DNM3: variants seen among roughly 807,000 people sequenced by gnomAD.
DNM3 encodes dynamin-3.
In DNM3, 47 loss-of-function variants were observed where a neutral mutation model predicts 101.6. The observed-to-expected ratio is 0.46, with a 90% confidence interval of 0.37 to 0.59. The LOEUF (loss-of-function observed/expected upper bound fraction) is 0.59. Among genes scored for constraint, DNM3 ranks in the 20% least tolerant of loss-of-function variants. The pLI, the probability that DNM3 is intolerant of heterozygous loss-of-function variation, is 0.00. For missense variants in DNM3, 849 were observed against 1,085.7 expected (o/e 0.78, Z 3.06); for synonymous variants, 385 against 387.9 (o/e 0.99, Z 0.09).
chr1:171,842,480 G>A (rs2031415026), intron 1 of DNM3, among the ~76,000 whole-genome samples: 1 of 152,216 alleles, frequency 6.6e-6, no homozygotes, highest in Non-Finnish European at 1.5e-5. Flanking sequence ...ATAAAAGGTG[G>A]TGTGTTTGCG....
intron 4 of DNM3, among the ~76,000 whole-genome samples, chr1:172,000,246 G>GA (rs564128239): frequency 3.8e-4 from 58 of 152,156 alleles, no homozygotes; most frequent in African/African-American, 1.2e-3. Context: ...GAGGACAAGA[G>GA]AAAAATGGCT....
At chr1:171,998,946 T>C (rs1225704285) in intron 4 of DNM3, among the ~76,000 whole-genome samples, 1 of 152,048 alleles carries the variant, frequency 6.6e-6, no homozygotes, top group Non-Finnish European at 1.5e-5. Flanking sequence ...AAAAGTGTGG[T>C]TGGTTCTGCA....
intron 1 of DNM3, among the ~76,000 whole-genome samples, chr1:171,876,503 T>C (rs2035796664): frequency 6.6e-6 from 1 of 152,166 alleles, no homozygotes; most frequent in African/African-American, 2.4e-5. Flanking sequence ...TCTTCTCTTC[T>C]GACTCATGCA....
chr1:171,875,338 C>A (rs1383953565), intron 1 of DNM3, among the ~76,000 whole-genome samples: 1 of 152,178 alleles, frequency 6.6e-6, no homozygotes, highest in African/African-American at 2.4e-5. Flanking sequence ...TCTTATTCAG[C>A]CACTTCTAGA....
At chr1:172,063,556 G>A (rs1175554192) in intron 10 of DNM3, among the ~76,000 whole-genome samples, 2 of 151,684 alleles carry the variant, frequency 1.3e-5, no homozygotes, top group African/African-American at 4.8e-5. Context: ...AATATTGAAG[G>A]TTTTGATTCC....
chr1:172,150,531 T>G (rs925279596), intron 14 of DNM3, among the ~76,000 whole-genome samples: 20 of 152,196 alleles, frequency 1.3e-4, no homozygotes, highest in Non-Finnish European at 2.6e-4. Context: ...TTTTGAGCAC[T>G]GATTTTATGT....
At chr1:171,945,707 ATC>A (rs2042130275) in intron 2 of DNM3, among the ~76,000 whole-genome samples, 1 of 152,046 alleles carries the variant, frequency 6.6e-6, no homozygotes, top group Admixed American at 6.6e-5. Flanking sequence ...TTTTATTTTT[ATC>A]TCACTCGGAA....
chr1:172,262,785 G>A (rs1057480771), intron 15 of DNM3, among the ~76,000 whole-genome samples: 5 of 152,086 alleles, frequency 3.3e-5, no homozygotes, highest in South Asian at 2.1e-4. Flanking sequence ...ATATACTTGC[G>A]TGTCATTTTT....
In DNM3 at chr1:172,410,012, G is replaced by A; in HGVS notation, c.*2171G>A. ...ATAAACAATGGCATTTGTCATCTTT[G>A]GCACTTGCTTTTAGATTATAGTCCC... is the stretch of plus-strand genomic sequence containing the variant. On this transcript the variant is annotated 3_prime_UTR_variant, in exon 21 of 21. Coordinates refer to ENST00000627582, the MANE Select transcript of DNM3 (RefSeq NM_015569.5). The A allele has an allele frequency of 2.0e-6, 2 of 985,602 alleles. No homozygotes were observed. The highest frequency in any genetic ancestry group is 4.7e-5 in the South Asian group (1 of 21,284). 61.1% of individuals were successfully genotyped at this position (985,602 alleles called of 1,614,324 possible). A position where few individuals can be genotyped will look rare whatever the true frequency, so the allele number is the denominator to read the frequency against.
intron 13 of DNM3, among the ~76,000 whole-genome samples, chr1:172,104,737 G>C (rs1039546004): frequency 6.6e-6 from 1 of 152,138 alleles, no homozygotes; most frequent in African/African-American, 2.4e-5. Flanking sequence ...CCTACCTTAA[G>C]AGCAGTTAAG....
rs181650689 is a variant in DNM3 at position 172,412,212 on chromosome 1, A to G, written c.*4371A>G. 1.5e-4 allele frequency: 145 copies of G among 985,566 alleles called. No homozygotes were observed. In the African/African-American group the frequency reaches 2.4e-3, roughly 16 times the overall value. The allele number at this position is 985,566 out of a possible 1,614,324, so 61.1% of individuals were successfully genotyped here. A position where few individuals can be genotyped will look rare whatever the true frequency, so the allele number is the denominator to read the frequency against. ...CACATATGGCTCAACTCAAGTCATT[A>G]ATCTCTTTTTAATTTTTACTCTTGA... is the stretch of plus-strand genomic sequence containing the variant. On this transcript the variant is annotated 3_prime_UTR_variant, in exon 21 of 21. Transcript: ENST00000627582.
At chr1:172,402,012 C>A (rs554805669) in intron 20 of DNM3, among the ~76,000 whole-genome samples, 1 of 152,106 alleles carries the variant, frequency 6.6e-6, no homozygotes, top group Admixed American at 6.6e-5. Flanking sequence ...TGCTCCAACC[C>A]GATTTATCTT....
chr1:172,057,623 A>C (rs1455359773), intron 10 of DNM3, among the ~76,000 whole-genome samples: 7 of 152,026 alleles, frequency 4.6e-5, no homozygotes, highest in Non-Finnish European at 7.4e-5. Flanking sequence ...GAAATAAAAT[A>C]CTTTACAGAC....
chr1:172,049,853 G>A (rs2050082148), intron 10 of DNM3, among the ~76,000 whole-genome samples: 2 of 152,088 alleles, frequency 1.3e-5, no homozygotes, highest in Non-Finnish European at 2.9e-5. Context: ...TGACAGAAAG[G>A]CTCAGGTAAA....
At chr1:172,265,721 CTG>C (rs1460580181) in intron 15 of DNM3, among the ~76,000 whole-genome samples, 1 of 152,136 alleles carries the variant, frequency 6.6e-6, no homozygotes, top group Non-Finnish European at 1.5e-5. Flanking sequence ...AATGGCCTCA[CTG>C]TGCTTCTCTC....
At chr1:171,980,015 T>G (rs2044667960) in intron 2 of DNM3, among the ~76,000 whole-genome samples, 1 of 152,102 alleles carries the variant, frequency 6.6e-6, no homozygotes, top group Non-Finnish European at 1.5e-5. Flanking sequence ...GGCACCAGCT[T>G]TTTGTCTTTT....
chr1:172,093,034 G>T (rs2054017221), intron 13 of DNM3, among the ~76,000 whole-genome samples, 159 bp downstream of exon 13: 1 of 152,064 alleles, frequency 6.6e-6, no homozygotes, highest in African/African-American at 2.4e-5. Flanking sequence ...TTTTTGGAGT[G>T]AATTGCATTT....
chr1:172,279,864 G>A (rs1303794662), intron 15 of DNM3, among the ~76,000 whole-genome samples: 1 of 152,136 alleles, frequency 6.6e-6, no homozygotes, highest in Non-Finnish European at 1.5e-5. Context: ...CAGTTAGTGT[G>A]TTCTTCATGC....
chr1:172,102,781 T>G (rs1451113404), intron 13 of DNM3, among the ~76,000 whole-genome samples: 2 of 152,120 alleles, frequency 1.3e-5, no homozygotes, highest in African/African-American at 4.8e-5. Context: ...TTTTCCTCCC[T>G]CTGTCTCTTT....
Sources: gnomAD v4.1 joint callset for allele counts (sites outside exome capture counted in the v4.1 genomes callset) on GRCh38, gnomAD v4.1.1 for gene constraint, MANE v1.5 for transcripts, NCBI Gene and HGNC (gene_info 2026-07-23, HGNC 2026-07-21) for gene names.